The following CEP164 variants were observed in gnomAD, a reference collection of about 807,000 sequenced individuals.
CEP164 encodes centrosomal protein 164.
CEP164 carries 162 observed loss-of-function variants against 182.7 expected under a neutral mutation model. The observed-to-expected ratio is 0.89, with a 90% CI of 0.78 to 1.01. The LOEUF is 1.01. Ranked by LOEUF, CEP164 falls within the 50% of genes least tolerant of loss-of-function variation. CEP164 has a pLI of 0.00. For missense variants in CEP164, 1,735 were observed against 1,790.4 expected (o/e 0.97, Z 0.56); for synonymous variants, 661 against 690.0 (o/e 0.96, Z 0.66).
At chr11:117,339,889 C>A (rs2037834234) in intron 3 of CEP164, among the ~76,000 whole-genome samples, 1 of 152,062 alleles carries the variant, frequency 6.6e-6, no homozygotes, top group African/African-American at 2.4e-5. Context: ...TTATTATCCC[C>A]ATTTTACAGA....
upstream of CEP164, among the ~76,000 whole-genome samples, chr11:117,326,158 G>A (rs1057406512): frequency 1.3e-5 from 2 of 152,068 alleles, no homozygotes; most frequent in Non-Finnish European, 2.9e-5. Flanking sequence ...TGATCCACCT[G>A]CCTTGGCCTC....
At chr11:117,341,133 G>A (rs756295168) in intron 3 of CEP164, among the ~76,000 whole-genome samples, 8 of 152,190 alleles carry the variant, frequency 5.3e-5, no homozygotes. Flanking sequence ...AGCCATGAAT[G>A]GCCTGTTTCT....
chr11:117,335,055 C>T (rs2036854718), intron 1 of CEP164, among the ~76,000 whole-genome samples: 1 of 152,046 alleles, frequency 6.6e-6, no homozygotes, highest in African/African-American at 2.4e-5. Context: ...CTTTTTTCTT[C>T]TCCTCTCCCT....
intron 14 of CEP164, 85 bp downstream of exon 14, chr11:117,383,027 G>T: frequency 6.8e-7 from 1 of 1,471,564 alleles, no homozygotes; most frequent in Non-Finnish European, 9.2e-7. Context: ...GTGGTGGGAG[G>T]TGGGGCTCAG....
At chr11:117,341,863 T>C (rs770445605) in intron 3 of CEP164, among the ~76,000 whole-genome samples, 6 of 152,194 alleles carry the variant, frequency 3.9e-5, no homozygotes, top group Non-Finnish European at 7.3e-5. Context: ...CTTTCACTTA[T>C]GCAGGTTTCA....
intron 10 of CEP164, 80 bp downstream of exon 10, chr11:117,373,911 C>A: frequency 1.7e-6 from 2 of 1,208,354 alleles, no homozygotes; most frequent in Non-Finnish European, 2.4e-6. Flanking sequence ...ATTTGCCTAG[C>A]ATCACGCAGC....
Position 117,340,831 on chromosome 11 carries a change from TTC to T in CEP164, c.82+2165_82+2166del, listed in dbSNP as rs145372455. Reference sequence around the variant, plus strand: ...AAGCCACTACGACTGGCCTCTTTCTTTCTTTCCTACTTTCTCTTTAGAGACGG... The same window carrying T: ...AAGCCACTACGACTGGCCTCTTTCTTTTTCCTACTTTCTCTTTAGAGACGG... On this transcript the variant is annotated intron_variant, in intron 3 of 32. Coordinates refer to ENST00000278935, the MANE Select transcript of CEP164 (RefSeq NM_014956.5). Among the ~76,000 whole-genome samples the T allele has an allele frequency of 7.1e-3, 1,086 of 152,222 alleles. 11 individuals are homozygous for T. Among genetic ancestry groups the T allele is most frequent in the African/African-American group, 0.025 (1,045 of 41,528 alleles).
chr11:117,385,448 G>C (rs2043839444), intron 14 of CEP164: 1 of 152,342 alleles, frequency 6.6e-6, no homozygotes, highest in East Asian at 1.9e-4. Context: ...AGACAGCCCA[G>C]GTTGCCTCTG....
chr11:117,396,063 G>A lies in CEP164; in HGVS notation c.3099G>A (p.Glu1033=). ...ATCTTTCCTTCCACAGCAGCCTGGA[G>A]GCTGAAGCTCAAAAGAAGCAGCACC... is the stretch of plus-strand genomic sequence containing the variant. The part of the protein sequence containing the change: ...QQLQKHFSSL[E]AEAQKKQHLL... Residue 1033 remains glutamate, a synonymous_variant, in exon 25 of 33, where the codon GAG becomes GAA. Coordinates refer to ENST00000278935, the MANE Select transcript of CEP164 (RefSeq NM_014956.5). 1 of 1,614,150 alleles carries A rather than the reference G, an allele frequency of 6.2e-7. No homozygotes were observed. The highest frequency in any genetic ancestry group is 8.5e-7 in the Non-Finnish European group (1 of 1,180,014).
chr11:117,324,276 A>G (rs966145527), upstream of CEP164, among the ~76,000 whole-genome samples: 1 of 151,630 alleles, frequency 6.6e-6, no homozygotes, highest in Non-Finnish European at 1.5e-5. Flanking sequence ...ATGAAAGCCC[A>G]TTTCTACTAA....
chr11:117,390,862 C>T lies in CEP164; in HGVS notation c.2020C>T (p.Arg674Ter), dbSNP rs963142616. 5.6e-6 allele frequency: 9 copies of T among 1,613,642 alleles called. No individual in the cohort carries two copies. Among genetic ancestry groups the T allele is most frequent in the African/African-American group, 2.7e-5 (2 of 74,768 alleles). ...GGAAAGCCAGAGGCTATCCTGGCTC[C>T]GAGCTCAGGTCCAGTCCAGCACACA... ...EEESQRLSWL[R>*]AQVQSSTQAD... Residue 674 changes from arginine (R) to a stop codon, truncating the protein, a stop_gained, in exon 16 of 33, where the codon CGA becomes TGA. Transcript: ENST00000278935. LOFTEE classifies it high-confidence loss of function.
At chr11:117,393,215 G>T in intron 20 of CEP164, 89 bp downstream of exon 20, 4 of 1,515,396 alleles carry the variant, frequency 2.6e-6, no homozygotes, top group Non-Finnish European at 3.5e-6. Flanking sequence ...ACACATGCAC[G>T]CACATGCACA....
chr11:117,347,087 T>G (rs1180294193), intron 4 of CEP164, among the ~76,000 whole-genome samples: 2 of 152,216 alleles, frequency 1.3e-5, no homozygotes, highest in Non-Finnish European at 2.9e-5. Flanking sequence ...TCTGTTTGTG[T>G]AGGCCTACTC....
In CEP164 at chr11:117,411,741, T is replaced by C. The variant is rs2047376971; in HGVS notation, c.4164-54T>C. 6.2e-7 allele frequency: 1 copy of C among 1,608,426 alleles called. No homozygotes were observed. The highest frequency in any genetic ancestry group is 8.5e-7 in the Non-Finnish European group (1 of 1,177,180). ...GATGTGATGGCCTCTGTGCATCCTCTGTCACTTCCGCGCCTCCTCTCTCCC... is the reference window on the plus strand; with the variant it reads ...GATGTGATGGCCTCTGTGCATCCTCCGTCACTTCCGCGCCTCCTCTCTCCC... On this transcript the variant is annotated intron_variant, in intron 31 of 32. Coordinates refer to ENST00000278935, the MANE Select transcript of CEP164 (RefSeq NM_014956.5). This position sits in a 1 kb window ranked among gnomAD's most constrained non-coding sequence, Gnocchi z 4.4.
chr11:117,342,281 A>T (rs1393960240), intron 3 of CEP164, among the ~76,000 whole-genome samples: 1 of 152,166 alleles, frequency 6.6e-6, no homozygotes, highest in African/African-American at 2.4e-5. Flanking sequence ...CTTTGAAAAA[A>T]TATTTTTTCT....
chr11:117,345,514 C>A (rs2135285767), intron 4 of CEP164, among the ~76,000 whole-genome samples: 2 of 152,250 alleles, frequency 1.3e-5, no homozygotes, highest in East Asian at 3.9e-4. Flanking sequence ...TCTTAGGGGT[C>A]CCCTCTTCTG....
At position 117,394,773 on chromosome 11, in the gene CEP164, C is replaced by T; in HGVS notation, c.2761-147C>T. 1 of 933,930 alleles carries T rather than the reference C, an allele frequency of 1.1e-6. No homozygotes were observed. The allele number at this position is 933,930 out of a possible 1,614,324, so 57.9% of individuals were successfully genotyped here. A position where few individuals can be genotyped will look rare whatever the true frequency, so the allele number is the denominator to read the frequency against. ...GGAAGTAAACAAGGTGTGGAGCCTT[C>T]CTGGGAGGCTGCAGGGGCACACAGC... is the stretch of plus-strand genomic sequence containing the variant. On this transcript the variant is annotated intron_variant, in intron 21 of 32. Coordinates refer to ENST00000278935, the MANE Select transcript of CEP164 (RefSeq NM_014956.5). This position sits in a 1 kb window ranked among gnomAD's most constrained non-coding sequence, Gnocchi z 4.0.
upstream of CEP164, among the ~76,000 whole-genome samples, chr11:117,326,572 G>A (rs1226062247): frequency 2.6e-5 from 4 of 152,174 alleles, no homozygotes; most frequent in Non-Finnish European, 5.9e-5. Context: ...AGGCCCGGTC[G>A]ATAGTTTTTG....
At chr11:117,360,737 A>G (rs921778274) in intron 5 of CEP164, among the ~76,000 whole-genome samples, 13 of 152,206 alleles carry the variant, frequency 8.5e-5, no homozygotes, top group African/African-American at 2.9e-4. Context: ...TAAAAGGCAT[A>G]TAAGAAAGTA....
Sources: gnomAD v4.1 joint callset for allele counts (sites outside exome capture counted in the v4.1 genomes callset) on GRCh38, gnomAD v4.1.1 for gene constraint, Gnocchi (gnomAD v3.1) non-coding constraint, MANE v1.5 for transcripts, NCBI Gene and HGNC (gene_info 2026-07-23, HGNC 2026-07-21) for gene names.